CRIM1: variants seen among roughly 807,000 people sequenced by gnomAD.
The protein encoded by CRIM1 is cysteine rich transmembrane BMP regulator 1.
In CRIM1, 32 loss-of-function variants were observed where a neutral mutation model predicts 116.4. That is an observed-to-expected ratio of 0.27 (90% CI 0.21 to 0.37). The LOEUF is 0.37. Ranked by LOEUF, CRIM1 falls within the 10% of genes least tolerant of loss-of-function variation. CRIM1 has a pLI of 1.00. For synonymous variants in CRIM1, 590 were observed against 509.2 expected, an observed-to-expected ratio of 1.16 and a Z score of -2.13; for missense variants, 1,331 against 1,354.8, an observed-to-expected ratio of 0.98 and a Z score of 0.28.
At chr2:36,381,967 A>G (rs890127973) in intron 1 of CRIM1, among the ~76,000 whole-genome samples, 5 of 152,218 alleles carry the variant, frequency 3.3e-5, no homozygotes, top group Middle Eastern at 3.4e-3. Context: ...GTTTTCTTTC[A>G]TTGGTGGACC....
chr2:36,522,373 C>CCCTCTTTTAACGCTTTTGTGTCCAGTAA, intron 13 of CRIM1, 60 bp downstream of exon 13: 1 of 1,282,134 alleles, frequency 7.8e-7, no homozygotes, highest in Non-Finnish European at 1.1e-6. Context: ...TCTGTATTGA[C>CCCTCTTTTAACGCTTTTGTGTCCAGTAA]AGCCATTTGC....
intron 1 of CRIM1, chr2:36,369,274 A>G (rs1247603523): frequency 6.6e-6 from 1 of 152,258 alleles, no homozygotes; most frequent in African/African-American, 2.4e-5. Flanking sequence ...CCACTTGCCC[A>G]CATCTGTGTG....
intron 13 of CRIM1, 63 bp from the exon 14 acceptor site, chr2:36,537,289 G>A (rs1427167711): frequency 4.5e-5 from 66 of 1,451,580 alleles, no homozygotes; most frequent in Middle Eastern, 3.6e-4. Flanking sequence ...GATCTCTCAC[G>A]TCTAATAAGA....
Position 36,544,444 on chromosome 2 carries a change from G to T in CRIM1, c.2692G>T (p.Glu898Ter). The T allele has an allele frequency of 7.0e-7, 1 of 1,426,286 alleles. No individual in the cohort carries two copies. The highest frequency in any genetic ancestry group is 9.2e-7 in the Non-Finnish European group (1 of 1,083,214). The allele number at this position is 1,426,286 out of a possible 1,614,324, so 88.4% of individuals were successfully genotyped here. ...KTNHRGEVDLEVPLWPTPSEN... is the reference protein window; with the variant it reads ...KTNHRGEVDL The stretch of plus-strand genomic sequence containing the variant: ...AAACCATCGAGGAGAGGTTGACCTG[G>T]AGGTTCCCCTGTGGCCCACGCCTAG... Residue 898 changes from glutamate (E) to a stop codon, truncating the protein, a stop_gained, in exon 15 of 17, where the codon GAG (glutamate) becomes TAG (stop). Transcript: ENST00000280527. LOFTEE classifies it high-confidence loss of function.
At chr2:36,402,375 A>G (rs1672476659) in intron 2 of CRIM1, among the ~76,000 whole-genome samples, 1 of 151,570 alleles carries the variant, frequency 6.6e-6, no homozygotes, top group African/African-American at 2.4e-5. Context: ...AGCAACTGCA[A>G]AAGCTCTAAG....
chr2:36,442,570 A>G (rs1675932173), intron 3 of CRIM1, 45 bp from the exon 4 acceptor site: 2 of 1,611,170 alleles, frequency 1.2e-6, no homozygotes, highest in Admixed American at 1.7e-5. Context: ...TCCAAAAGCA[A>G]GTAAATATAA....
At position 36,356,203 on chromosome 2, in the gene CRIM1, G is replaced by C; in HGVS notation, c.-90G>C. On this transcript the variant is annotated 5_prime_UTR_variant, in exon 1 of 17. Transcript: ENST00000280527. The surrounding 1 kb of genome is among the most constrained non-coding windows in gnomAD (Gnocchi z 4.3). Reference sequence around the variant, plus strand: ...GTGAGGACCGCGGGCTGCTGGTGCGGCGGCGGCGGCGCGTGTGCCCCGCGC... The same window carrying C: ...GTGAGGACCGCGGGCTGCTGGTGCGCCGGCGGCGGCGCGTGTGCCCCGCGC... 1.9e-6 allele frequency: 1 copy of C among 535,960 alleles called. No individual in the cohort carries two copies. Among genetic ancestry groups the C allele is most frequent in the Non-Finnish European group, 2.7e-6 (1 of 372,382 alleles). The allele number at this position is 535,960 out of a possible 1,614,324, so 33.2% of individuals were successfully genotyped here.
intron 14 of CRIM1, among the ~76,000 whole-genome samples, chr2:36,539,701 A>G (rs139677796): frequency 9.4e-4 from 143 of 152,288 alleles, no homozygotes; most frequent in African/African-American, 3.3e-3. Context: ...ACTATGCCAT[A>G]TGAGTCGCAT....
intron 1 of CRIM1, chr2:36,378,496 G>T (rs1670487146): frequency 4.6e-6 from 2 of 439,434 alleles, no homozygotes; most frequent in Admixed American, 2.6e-5. Context: ...GCCATACTCT[G>T]GATGAAGCTC....
intron 7 of CRIM1, among the ~76,000 whole-genome samples, chr2:36,483,619 A>G (rs148921852): frequency 1.7e-4 from 26 of 152,332 alleles, no homozygotes; most frequent in African/African-American, 5.8e-4. Flanking sequence ...GCTGCAGTGC[A>G]TTATACCCTG....
intron 1 of CRIM1, among the ~76,000 whole-genome samples, chr2:36,365,741 T>G (rs1000418557): frequency 5.3e-5 from 8 of 151,322 alleles, no homozygotes; most frequent in Non-Finnish European, 8.9e-5. Flanking sequence ...TTTGTGTTTT[T>G]TTTTTTTTTT....
At chr2:36,487,514 T>A (rs1275260636) in intron 7 of CRIM1, among the ~76,000 whole-genome samples, 2 of 150,682 alleles carry the variant, frequency 1.3e-5, no homozygotes, top group Non-Finnish European at 2.9e-5. Flanking sequence ...GAAGGTTTAT[T>A]AGACTCTAGG....
At chr2:36,506,100 G>A (rs1291661724) in intron 8 of CRIM1, among the ~76,000 whole-genome samples, 3 of 150,528 alleles carry the variant, frequency 2.0e-5, no homozygotes, top group African/African-American at 4.9e-5. Flanking sequence ...GGTAGGAATC[G>A]ACCTTGAACA....
chr2:36,435,553 G>A (rs1280328681), intron 2 of CRIM1, among the ~76,000 whole-genome samples: 1 of 151,620 alleles, frequency 6.6e-6, no homozygotes, highest in Non-Finnish European at 1.5e-5. Context: ...TTGCTTTTAA[G>A]CAGAAGCTCT....
Position 36,457,897 on chromosome 2 carries a change from C to T in CRIM1, c.870-6637C>T, listed in dbSNP as rs137930140. Among the ~76,000 whole-genome samples, 255 of 152,262 alleles carry T rather than the reference C, an allele frequency of 1.7e-3. 1 individual carries two copies. The highest frequency in any genetic ancestry group is 5.8e-3 in the African/African-American group (243 of 41,554). The stretch of plus-strand genomic sequence containing the variant: ...TATATGTCATTATAATTTCCATTCC[C>T]GACAAGCTATTTCATTAACACACTG... On this transcript the variant is annotated intron_variant, in intron 4 of 16. Transcript: ENST00000280527.
chr2:36,462,208 A>C (rs1426918729), intron 4 of CRIM1, among the ~76,000 whole-genome samples: 2 of 149,166 alleles, frequency 1.3e-5, no homozygotes, highest in African/African-American at 4.9e-5. Flanking sequence ...AAGGGACTTT[A>C]AAAAAAAAAT....
At chr2:36,437,155 C>T (rs1675377530) in intron 2 of CRIM1, among the ~76,000 whole-genome samples, 1 of 152,192 alleles carries the variant, frequency 6.6e-6, no homozygotes, top group Non-Finnish European at 1.5e-5. Context: ...GCGGGCAGAT[C>T]ACGAGGTCAG....
chr2:36,405,611 T>C (rs1034475800), intron 2 of CRIM1, among the ~76,000 whole-genome samples: 1 of 152,132 alleles, frequency 6.6e-6, no homozygotes, highest in Non-Finnish European at 1.5e-5. Flanking sequence ...ACAGTTTGAG[T>C]AGAAAAGTTA....
intron 4 of CRIM1, among the ~76,000 whole-genome samples, chr2:36,460,314 A>G (rs191974018): frequency 6.6e-6 from 1 of 152,344 alleles, no homozygotes; most frequent in African/African-American, 2.4e-5. Context: ...TTCCATTTAT[A>G]TGAACTATCC....
Sources: gnomAD v4.1 joint callset for allele counts (sites outside exome capture counted in the v4.1 genomes callset) on GRCh38, gnomAD v4.1.1 for gene constraint, Gnocchi (gnomAD v3.1) non-coding constraint, MANE v1.5 for transcripts, NCBI Gene and HGNC (gene_info 2026-07-23, HGNC 2026-07-21) for gene names.